Variants in NCF4 observed in about 807,000 individuals in gnomAD.
NCF4 encodes neutrophil cytosol factor 4.
Under a neutral mutation model 41.7 loss-of-function variants are expected in NCF4, and 30 were observed. That is an observed-to-expected ratio of 0.72 (90% CI 0.54 to 0.97). NCF4 has a LOEUF of 0.97. NCF4 is among the 50% of genes least tolerant of loss of function. The pLI, the probability that NCF4 is intolerant of heterozygous loss-of-function variation, is 0.00. For missense variants in NCF4, 432 were observed against 460.9 expected (o/e 0.94, Z 0.57); for synonymous variants, 195 against 175.8 (o/e 1.11, Z -0.87).
chr22:36,861,441 C>A (rs748816364), intron 1 of NCF4, among the ~76,000 whole-genome samples: 1 of 152,232 alleles, frequency 6.6e-6, no homozygotes, highest in Non-Finnish European at 1.5e-5. Context: ...GACTTGCCCA[C>A]GGTCACACAA....
At chr22:36,864,348 T>A (rs1444220233) in intron 2 of NCF4, among the ~76,000 whole-genome samples, 7 of 152,216 alleles carry the variant, frequency 4.6e-5, no homozygotes. Context: ...GTGGGTAGAA[T>A]CCAGGGTGCT....
Position 36,872,321 on chromosome 22 carries a change from C to G in NCF4, c.529-6C>G, listed in dbSNP as rs774716281. On this transcript the variant is annotated splice_polypyrimidine_tract_variant and splice_region_variant and intron_variant, in intron 6 of 9. Transcript: ENST00000248899. Reference sequence around the variant, plus strand: ...CCTTCCCTCCTTACTGCACGCTTCTCCTCAGGCTCTATTTGACTTCACTGG... The same window carrying G: ...CCTTCCCTCCTTACTGCACGCTTCTGCTCAGGCTCTATTTGACTTCACTGG... 2 of 1,592,334 alleles carry G rather than the reference C, an allele frequency of 1.3e-6. No homozygotes were observed. The highest frequency in any genetic ancestry group is 1.7e-6 in the Non-Finnish European group (2 of 1,160,234).
At chr22:36,874,908 T>C (rs1243199829) in intron 7 of NCF4, among the ~76,000 whole-genome samples, 1 of 152,202 alleles carries the variant, frequency 6.6e-6, no homozygotes, top group Non-Finnish European at 1.5e-5. Context: ...TGTTCTATTT[T>C]CCTCTGTAAC....
chr22:36,868,963 C>A (rs374795125), intron 4 of NCF4, among the ~76,000 whole-genome samples: 32 of 152,290 alleles, frequency 2.1e-4, no homozygotes, highest in African/African-American at 7.7e-4. Context: ...TAAGTCCTAC[C>A]CACTGGTCTC....
At chr22:36,862,337 A>G (rs1601544574) in intron 1 of NCF4, among the ~76,000 whole-genome samples, 2 of 152,322 alleles carry the variant, frequency 1.3e-5, no homozygotes, top group African/African-American at 4.8e-5. Flanking sequence ...AAATGCCTAC[A>G]GGGGAGTCCA....
At chr22:36,862,944 C>T (rs760517) in intron 1 of NCF4, among the ~76,000 whole-genome samples, 62,982 of 152,028 alleles carry the variant, frequency 0.41, 14,017 homozygotes, top group African/African-American at 0.57. Flanking sequence ...GCTCCAAAAC[C>T]TCCCCCAGGC....
intron 1 of NCF4, 28 bp from the exon 2 acceptor site, chr22:36,864,017 A>C (rs375815318): frequency 2.5e-4 from 396 of 1,604,402 alleles, no homozygotes; most frequent in Non-Finnish European, 3.3e-4. Flanking sequence ...GGTGATAAGC[A>C]GGATCTCTTT....
chr22:36,864,177 C>G (rs1939863342), intron 2 of NCF4, 48 bp downstream of exon 2: 1 of 1,478,918 alleles, frequency 6.8e-7, no homozygotes, highest in Middle Eastern at 1.7e-4. Flanking sequence ...GAACTTCCAC[C>G]CAGCTGACCT....
intron 7 of NCF4, among the ~76,000 whole-genome samples, chr22:36,873,989 T>G (rs1386700309): frequency 6.6e-6 from 1 of 152,216 alleles, no homozygotes; most frequent in Non-Finnish European, 1.5e-5. Flanking sequence ...ACTAGCTTTG[T>G]GGACCTTTGG....
chr22:36,876,431 A>G (rs552118109), intron 9 of NCF4, among the ~76,000 whole-genome samples: 1 of 152,322 alleles, frequency 6.6e-6, no homozygotes, highest in Non-Finnish European at 1.5e-5. Flanking sequence ...ACATTGCTGG[A>G]CAGTTATTTT....
chr22:36,870,281 T>C, intron 4 of NCF4, 134 bp from the exon 5 acceptor site: 3 of 1,281,468 alleles, frequency 2.3e-6, no homozygotes, highest in Non-Finnish European at 3.4e-6. Flanking sequence ...AAACAACGCA[T>C]TTCTGTTATC....
At chr22:36,863,466 C>A (rs1939834082) in intron 1 of NCF4, among the ~76,000 whole-genome samples, 1 of 150,104 alleles carries the variant, frequency 6.7e-6, no homozygotes, top group African/African-American at 2.5e-5. Flanking sequence ...CCCCACCACC[C>A]CAGGGAAAAC....
rs537022877 is a variant in NCF4, at chr22:36,873,859, C to T, written c.627+1434C>T. Among the ~76,000 whole-genome samples, 688 of 78,430 alleles carry T rather than the reference C, an allele frequency of 8.8e-3. 2 individuals are homozygous for T. Among genetic ancestry groups the T allele is most frequent in the Admixed American group, 0.018 (112 of 6,320 alleles). 51.5% of individuals were successfully genotyped at this position (78,430 alleles called of 152,430 possible). A position where few individuals can be genotyped will look rare whatever the true frequency, so the allele number is the denominator to read the frequency against. On this transcript the variant is annotated intron_variant, in intron 7 of 9. Coordinates refer to ENST00000248899, the MANE Select transcript of NCF4 (RefSeq NM_000631.5). ...GATATTTGCTCCTGAGGGGTGAAAT[C>T]GCAACCACTTGTGTAATATGGGACA...
At chr22:36,861,396 A>T (rs1939771971) in intron 1 of NCF4, among the ~76,000 whole-genome samples, 193 bp downstream of exon 1, 1 of 152,232 alleles carries the variant, frequency 6.6e-6, no homozygotes, top group Non-Finnish European at 1.5e-5. Context: ...ACCCTCAGAC[A>T]CAAATGAGAA....
intron 7 of NCF4, among the ~76,000 whole-genome samples, chr22:36,874,125 G>A (rs942185277): frequency 1.3e-5 from 2 of 152,240 alleles, no homozygotes; most frequent in African/African-American, 2.4e-5. Flanking sequence ...GCCTGGCCAG[G>A]TACTAGGGTC....
chr22:36,867,276 G>C, intron 3 of NCF4, 116 bp from the exon 4 acceptor site: 1 of 1,041,300 alleles, frequency 9.6e-7, no homozygotes, highest in Non-Finnish European at 1.5e-6. Context: ...TAACAGGGAA[G>C]AATGCTGAGC....
intron 7 of NCF4, among the ~76,000 whole-genome samples, chr22:36,874,047 C>T (rs377305493): frequency 5.9e-5 from 9 of 152,230 alleles, no homozygotes; most frequent in African/African-American, 1.7e-4. Flanking sequence ...GTTTCTTCAT[C>T]GGCTTCCTGG....
Position 36,872,415 on chromosome 22 carries a change from A to G in NCF4, c.617A>G (p.Asp206Gly), listed in dbSNP as rs774706034. ...TTCCTCCTCAGTCGGATCAACAAAGACTGGCTGGAGGTGAGTTCAGAAGTG... is the reference window on the plus strand; with the variant it reads ...TTCCTCCTCAGTCGGATCAACAAAGGCTGGCTGGAGGTGAGTTCAGAAGTG... Reference protein sequence around the residue: ...VIFLLSRINKDWLEGTVRGAT... With the variant: ...VIFLLSRINKGWLEGTVRGAT... The change falls in exon 7 of 10, where the codon GAC becomes GGC. Residue 206 changes from aspartate (D) to glycine (G), a missense_variant. Asp to Gly is a moderately conservative substitution (Grantham distance 94). Transcript: ENST00000248899. The G allele has an allele frequency of 9.3e-6, 15 of 1,608,918 alleles. No homozygotes were observed. Among genetic ancestry groups the G allele is most frequent in the South Asian group, 3.3e-5 (3 of 90,954 alleles).
At chr22:36,868,310 G>C (rs1275390188) in intron 4 of NCF4, among the ~76,000 whole-genome samples, 1 of 152,256 alleles carries the variant, frequency 6.6e-6, no homozygotes, top group African/African-American at 2.4e-5. Flanking sequence ...GTGATTTGGG[G>C]TGAGTTGCCC....
Sources: gnomAD v4.1 joint callset for allele counts (sites outside exome capture counted in the v4.1 genomes callset) on GRCh38, gnomAD v4.1.1 for gene constraint, MANE v1.5 for transcripts, NCBI Gene and HGNC (gene_info 2026-07-23, HGNC 2026-07-21) for gene names.